The following CNTNAP5 variants were observed in gnomAD, a reference collection of about 807,000 sequenced individuals.
CNTNAP5 encodes contactin-associated protein-like 5.
Under a neutral mutation model 150.2 loss-of-function variants are expected in CNTNAP5, and 72 were observed. The observed-to-expected ratio is 0.48, with a 90% confidence interval of 0.40 to 0.58. The LOEUF (loss-of-function observed/expected upper bound fraction) is 0.58, where lower values mean the gene tolerates loss of function less well. Among genes scored for constraint, CNTNAP5 ranks in the 20% least tolerant of loss-of-function variants. The pLI is 0.00. For missense variants in CNTNAP5, 1,636 were observed against 1,626.2 expected (o/e 1.01, Z -0.10); for synonymous variants, 672 against 619.8 (o/e 1.08, Z -1.25).
chr2:124,534,382 G>T (rs773198732), intron 10 of CNTNAP5, among the ~76,000 whole-genome samples: 16 of 152,194 alleles, frequency 1.1e-4, no homozygotes, highest in Admixed American at 3.3e-4. Flanking sequence ...GCTTTACTGA[G>T]TATGCTCATA....
chr2:124,764,083 A>G lies in CNTNAP5; in HGVS notation c.2469A>G (p.Thr823=). The change falls in exon 16 of 24, where the codon ACA becomes ACG. Residue 823 remains threonine, a synonymous_variant. Transcript: ENST00000682447. ...ATATTTCCTTCTTTTTTAAAACCACAGCATTATCCGGAGTTTTCCTAGAAA... is the reference window on the plus strand; with the variant it reads ...ATATTTCCTTCTTTTTTAAAACCACGGCATTATCCGGAGTTTTCCTAGAAA... ...SADISFFFKT[T]ALSGVFLENL... is the part of the protein sequence containing the mutation. 1 of 1,613,202 alleles carries G rather than the reference A, an allele frequency of 6.2e-7. No individual in the cohort carries two copies. Among genetic ancestry groups the G allele is most frequent in the Non-Finnish European group, 8.5e-7 (1 of 1,179,316 alleles).
chr2:124,349,455 T>C (rs1689820397), intron 3 of CNTNAP5, among the ~76,000 whole-genome samples: 1 of 152,188 alleles, frequency 6.6e-6, no homozygotes, highest in Non-Finnish European at 1.5e-5. Context: ...TATTTTCCCG[T>C]TTGTGTAAGT....
At chr2:124,707,181 AAGAAGAAGAAGAAG>A (rs1237002574) in intron 13 of CNTNAP5, among the ~76,000 whole-genome samples, 4 of 150,978 alleles carry the variant, frequency 2.6e-5, no homozygotes, top group African/African-American at 9.7e-5. Flanking sequence ...GAAGAAGAAG[AAGAAGAAGAAGAAG>A]AAGAAGAAGA....
intron 21 of CNTNAP5, 68 bp downstream of exon 21, chr2:124,869,830 AG>A (rs1677708771): frequency 2.2e-6 from 2 of 928,996 alleles, no homozygotes; most frequent in Non-Finnish European, 3.4e-6. Flanking sequence ...AATTTTCATT[AG>A]GGTGTTTAAG....
chr2:124,448,530 G>A (rs1692885842), intron 6 of CNTNAP5, among the ~76,000 whole-genome samples: 4 of 152,024 alleles, frequency 2.6e-5, no homozygotes, highest in Admixed American at 1.3e-4. Context: ...GTCTACCATA[G>A]TGGAAATACT....
chr2:124,228,432 T>C (rs1222256389), intron 2 of CNTNAP5, among the ~76,000 whole-genome samples: 1 of 152,112 alleles, frequency 6.6e-6, no homozygotes, highest in Non-Finnish European at 1.5e-5. Flanking sequence ...CTTAACCCAG[T>C]CAACTTGACA....
intron 1 of CNTNAP5, among the ~76,000 whole-genome samples, chr2:124,094,400 T>G (rs988121024): frequency 6.6e-6 from 1 of 152,230 alleles, no homozygotes; most frequent in Non-Finnish European, 1.5e-5. Flanking sequence ...GTCAGGGCTA[T>G]TGATATGGTG....
chr2:124,447,518 C>G (rs1692851408), intron 6 of CNTNAP5, among the ~76,000 whole-genome samples: 1 of 152,142 alleles, frequency 6.6e-6, no homozygotes, highest in Non-Finnish European at 1.5e-5. Flanking sequence ...GTTAGTAGTT[C>G]AGTTCAAGGA....
intron 2 of CNTNAP5, among the ~76,000 whole-genome samples, chr2:124,240,597 T>C (rs1406918288): frequency 1.3e-5 from 2 of 151,868 alleles, no homozygotes; most frequent in East Asian, 3.9e-4. Context: ...CATTCCACAA[T>C]AGATGCTGAG....
intron 13 of CNTNAP5, among the ~76,000 whole-genome samples, chr2:124,723,037 C>T (rs1232948412): frequency 6.6e-6 from 1 of 152,128 alleles, no homozygotes; most frequent in Non-Finnish European, 1.5e-5. Context: ...AATTTTCCAG[C>T]CATACTTACT....
chr2:124,515,885 GTGTGATTTTCATTCTC>G (rs1694703449), intron 8 of CNTNAP5, among the ~76,000 whole-genome samples: 1 of 152,194 alleles, frequency 6.6e-6, no homozygotes, highest in African/African-American at 2.4e-5. Context: ...CAACTAAGCA[GTGTGATTTTCATTCTC>G]TGGGCTCCAT....
At chr2:124,088,707 C>T (rs1682752733) in intron 1 of CNTNAP5, among the ~76,000 whole-genome samples, 1 of 152,086 alleles carries the variant, frequency 6.6e-6, no homozygotes, top group Admixed American at 6.6e-5. Flanking sequence ...TCATTACTGC[C>T]AAGCATGGAT....
At chr2:124,410,698 C>T (rs548004794) in intron 3 of CNTNAP5, among the ~76,000 whole-genome samples, 1 of 151,730 alleles carries the variant, frequency 6.6e-6, no homozygotes, top group South Asian at 2.1e-4. Context: ...AAAGACACAA[C>T]ATACCAGAAT....
rs958583196 is a variant in CNTNAP5 at position 124,045,044 on chromosome 2, A to C, written c.82+19312A>C. ...AATATGTTCTGGAGTAGAATACAAA[A>C]TTTCAGGAAACTTTCAAATAAAACA... On this transcript the variant is annotated intron_variant, in intron 1 of 23. Coordinates refer to ENST00000682447, the MANE Select transcript of CNTNAP5 (RefSeq NM_001367498.1). Among the ~76,000 whole-genome samples, 26 of 152,150 alleles carry C rather than the reference A, an allele frequency of 1.7e-4. 1 individual carries two copies.
At chr2:124,275,448 T>C (rs148578421) in intron 3 of CNTNAP5, among the ~76,000 whole-genome samples, 25 of 152,184 alleles carry the variant, frequency 1.6e-4, no homozygotes, top group Non-Finnish European at 3.1e-4. Flanking sequence ...CCCAGGATGA[T>C]CACCTCATTG....
chr2:124,836,973 A>G (rs1022093815), intron 19 of CNTNAP5, among the ~76,000 whole-genome samples: 8 of 152,032 alleles, frequency 5.3e-5, no homozygotes, highest in African/African-American at 1.9e-4. Context: ...TCAGCATTCT[A>G]CTAGGAGCAA....
At chr2:124,466,001 T>C (rs1021402481) in intron 6 of CNTNAP5, among the ~76,000 whole-genome samples, 15 of 152,200 alleles carry the variant, frequency 9.9e-5, no homozygotes, top group Non-Finnish European at 2.1e-4. Flanking sequence ...TTTTCCAGGA[T>C]GCTGTCTGAG....
intron 6 of CNTNAP5, among the ~76,000 whole-genome samples, chr2:124,448,099 A>G (rs941813593): frequency 6.6e-6 from 1 of 151,892 alleles, no homozygotes; most frequent in Non-Finnish European, 1.5e-5. Context: ...AAACCCCGTC[A>G]CTACTAAAAA....
chr2:124,391,766 T>C (rs1263179310), intron 3 of CNTNAP5, among the ~76,000 whole-genome samples: 2 of 151,950 alleles, frequency 1.3e-5, no homozygotes, highest in East Asian at 3.9e-4. Context: ...CCATCCTGGC[T>C]AACACGGTGA....
Sources: allele counts gnomAD v4.1 joint callset (sites outside exome capture counted in the v4.1 genomes callset), GRCh38; gene constraint gnomAD v4.1.1; transcripts MANE v1.5; gene names NCBI Gene and HGNC (gene_info 2026-07-23, HGNC 2026-07-21).